The following EBF3 variants were observed in gnomAD, a reference collection of about 807,000 sequenced individuals.
EBF3 encodes EBF transcription factor 3, also known as transcription factor COE3.
In EBF3, 18 loss-of-function variants were observed where a neutral mutation model predicts 77.1. That is an observed-to-expected ratio of 0.23 (90% CI 0.16 to 0.35). The LOEUF is 0.35. Ranked by LOEUF, EBF3 falls within the 10% of genes least tolerant of loss-of-function variation. The pLI, the probability that EBF3 is intolerant of heterozygous loss-of-function variation, is 1.00. For missense variants in EBF3, 558 were observed against 860.0 expected, an observed-to-expected ratio of 0.65 and a Z score of 4.39; for synonymous variants, 350 against 343.5, an observed-to-expected ratio of 1.02 and a Z score of -0.21.
At chr10:129,874,880 C>T (rs970993562) in intron 7 of EBF3, among the ~76,000 whole-genome samples, 1 of 152,126 alleles carries the variant, frequency 6.6e-6, no homozygotes, top group Non-Finnish European at 1.5e-5. Context: ...TGGGTCCGCA[C>T]ATGTAAGGAA....
At chr10:129,869,518 G>A (rs534274157) in intron 8 of EBF3, among the ~76,000 whole-genome samples, 7 of 152,120 alleles carry the variant, frequency 4.6e-5, no homozygotes, top group Admixed American at 2.6e-4. Flanking sequence ...TGTGCAGCTC[G>A]GCTTCAGATA....
intron 4 of EBF3, among the ~76,000 whole-genome samples, chr10:129,961,092 A>G (rs1256813772): frequency 6.6e-6 from 1 of 152,246 alleles, no homozygotes; most frequent in African/African-American, 2.4e-5. Flanking sequence ...GGGAAATAAA[A>G]TGTGCAAACT....
At chr10:129,890,292 C>T (rs1308552371) in intron 6 of EBF3, among the ~76,000 whole-genome samples, 2 of 152,226 alleles carry the variant, frequency 1.3e-5, no homozygotes, top group Non-Finnish European at 2.9e-5. Flanking sequence ...TGACCCTGAA[C>T]TGTGGCCTGG....
At chr10:129,873,797 A>G (rs755908103) in intron 7 of EBF3, among the ~76,000 whole-genome samples, 1 of 152,186 alleles carries the variant, frequency 6.6e-6, no homozygotes, top group Non-Finnish European at 1.5e-5. Flanking sequence ...TTTTGACTCA[A>G]GATTGCTTCT....
chr10:129,884,232 G>A (rs773402114), intron 6 of EBF3, among the ~76,000 whole-genome samples: 55 of 152,136 alleles, frequency 3.6e-4, no homozygotes, highest in African/African-American at 1.2e-3. Context: ...AATTCTAGCC[G>A]ATCGGGTTCG....
At chr10:129,847,287 A>G (rs1034274313) in intron 11 of EBF3, among the ~76,000 whole-genome samples, 5 of 152,140 alleles carry the variant, frequency 3.3e-5, no homozygotes, top group African/African-American at 9.7e-5. Flanking sequence ...CCTGCACACA[A>G]AGCCAGCCCT....
At chr10:129,860,825 A>G (rs1272531932) in intron 10 of EBF3, among the ~76,000 whole-genome samples, 2 of 152,198 alleles carry the variant, frequency 1.3e-5, no homozygotes, top group African/African-American at 4.8e-5. Flanking sequence ...ATGCATGCCT[A>G]TGATCCCACT....
At chr10:129,890,886 A>G (rs1405882078) in intron 6 of EBF3, among the ~76,000 whole-genome samples, 1 of 152,188 alleles carries the variant, frequency 6.6e-6, no homozygotes, top group Non-Finnish European at 1.5e-5. Flanking sequence ...ATTTGTTGTG[A>G]GACCGCGCTA....
At chr10:129,895,858 A>C (rs1232070064) in intron 6 of EBF3, among the ~76,000 whole-genome samples, 6 of 152,316 alleles carry the variant, frequency 3.9e-5, no homozygotes, top group Non-Finnish European at 8.8e-5. Context: ...ATATCAGGAG[A>C]GGTAATTAAC....
chr10:129,852,133 C>A (rs1273806239), intron 10 of EBF3, among the ~76,000 whole-genome samples: 1 of 152,176 alleles, frequency 6.6e-6, no homozygotes, highest in Non-Finnish European at 1.5e-5. Context: ...GCGGGTCATA[C>A]AAATAGAGCC....
At position 129,836,905 on chromosome 10, in the gene EBF3, A is replaced by C. The variant is rs1325707793; in HGVS notation, c.*1038T>G. 6.5e-6 allele frequency: 1 copy of C among 152,686 alleles called. No homozygotes were observed. The highest frequency in any genetic ancestry group is 1.5e-5 in the Non-Finnish European group (1 of 68,048). The allele number at this position is 152,686 out of a possible 1,614,324, so 9.5% of individuals were successfully genotyped here. On this transcript the variant is annotated 3_prime_UTR_variant, in exon 17 of 17. Coordinates refer to ENST00000440978, the MANE Select transcript of EBF3 (RefSeq NM_001375380.1). ...ATGGGAAAGTAAGTGTCAAATGAAG[A>C]CCATTTTATTCCTTATAAGACACAT...
Position 129,894,505 on chromosome 10 carries a change from C to T in EBF3, c.555-16656G>A, listed in dbSNP as rs138283559. Among the ~76,000 whole-genome samples the T allele has an allele frequency of 1.4e-3, 218 of 152,292 alleles. 1 individual carries two copies. Among genetic ancestry groups the T allele is most frequent in the African/African-American group, 5.1e-3 (211 of 41,556 alleles). ...AGAGGCCCCCTGCAGGGCTCGGTGA[C>T]CTATGATCCAGCACCTTGCCTCTGG... On this transcript the variant is annotated intron_variant, in intron 6 of 16. Transcript: ENST00000440978.
intron 6 of EBF3, among the ~76,000 whole-genome samples, chr10:129,896,686 T>C (rs957753090): frequency 1.3e-5 from 2 of 152,242 alleles, no homozygotes; most frequent in African/African-American, 4.8e-5. Context: ...TTGTCTTCCC[T>C]GCTCCTCCCG....
rs1853510211 is a variant in EBF3, at chr10:129,885,518, C to A, written c.555-7669G>T. Among the ~76,000 whole-genome samples the A allele has an allele frequency of 6.6e-6, 1 of 152,194 alleles. No homozygotes were observed. The highest frequency in any genetic ancestry group is 1.5e-5 in the Non-Finnish European group (1 of 68,024). ...TTTCAAAGAAGTCAACTGCACAACA[C>A]AAAAGAAATGTGAAGTGCACTATAT... On this transcript the variant is annotated intron_variant, in intron 6 of 16. Transcript: ENST00000440978. The surrounding 1 kb of genome is among the most constrained non-coding windows in gnomAD (Gnocchi z 4.0).
chr10:129,916,299 G>A (rs2134324964), intron 6 of EBF3, among the ~76,000 whole-genome samples: 1 of 152,324 alleles, frequency 6.6e-6, no homozygotes, highest in African/African-American at 2.4e-5. Flanking sequence ...ACAAGCCACG[G>A]TTCCTCGTGA....
intron 6 of EBF3, among the ~76,000 whole-genome samples, chr10:129,905,137 A>C (rs979616130): frequency 2.6e-5 from 4 of 152,132 alleles, no homozygotes; most frequent in South Asian, 4.1e-4. Flanking sequence ...CTTTCCATCA[A>C]CTTGGGGCTG....
intron 7 of EBF3, among the ~76,000 whole-genome samples, chr10:129,876,805 T>C (rs980285502): frequency 2.0e-5 from 3 of 151,386 alleles, no homozygotes; most frequent in Admixed American, 6.6e-5. Flanking sequence ...CTGAATTAGC[T>C]TCCTAATCAT....
chr10:129,859,471 C>T (rs1382324948), intron 10 of EBF3, among the ~76,000 whole-genome samples: 6 of 152,180 alleles, frequency 3.9e-5, no homozygotes, highest in African/African-American at 1.2e-4. Context: ...GTGATCCACC[C>T]GCCTCAGCCT....
At chr10:129,961,404 G>A (rs1859510279) in intron 4 of EBF3, among the ~76,000 whole-genome samples, 1 of 152,162 alleles carries the variant, frequency 6.6e-6, no homozygotes, top group Admixed American at 6.5e-5. Flanking sequence ...AAAACCAGCA[G>A]CCAGAGACTG....
Sources: gnomAD v4.1 joint callset for allele counts (sites outside exome capture counted in the v4.1 genomes callset) on GRCh38, gnomAD v4.1.1 for gene constraint, Gnocchi (gnomAD v3.1) non-coding constraint, MANE v1.5 for transcripts, NCBI Gene and HGNC (gene_info 2026-07-23, HGNC 2026-07-21) for gene names.